MTMR9: variants seen among roughly 807,000 people sequenced by gnomAD.
MTMR9 encodes the protein myotubularin-related protein 9.
In MTMR9, 39 loss-of-function variants were observed where a neutral mutation model predicts 69.5. The observed-to-expected ratio is 0.56, with a 90% CI of 0.43 to 0.73. The LOEUF is 0.73. Ranked by LOEUF, MTMR9 falls within the 30% of genes least tolerant of loss-of-function variation. The pLI is 0.00. For missense variants in MTMR9, 900 were observed against 671.2 expected (o/e 1.34, Z -3.77); for synonymous variants, 354 against 240.8 (o/e 1.47, Z -4.35).
intron 7 of MTMR9, among the ~76,000 whole-genome samples, chr8:11,315,382 G>C (rs186733480): frequency 1.3e-5 from 2 of 152,240 alleles, no homozygotes; most frequent in East Asian, 3.9e-4. Context: ...ATAAGCAGTC[G>C]GGGAAGGGGG....
chr8:11,297,073 A>G (rs1013270151), intron 2 of MTMR9, among the ~76,000 whole-genome samples: 2 of 152,184 alleles, frequency 1.3e-5, no homozygotes, highest in African/African-American at 4.8e-5. Context: ...TCTTAGGTTT[A>G]TAGTACTTTC....
intron 1 of MTMR9, among the ~76,000 whole-genome samples, chr8:11,286,909 C>G (rs1585102936): frequency 6.6e-6 from 1 of 152,134 alleles, no homozygotes; most frequent in East Asian, 1.9e-4. Flanking sequence ...TTATTGACTT[C>G]TTCCTTCTGC....
At chr8:11,304,615 C>G (rs1298670218) in intron 3 of MTMR9, among the ~76,000 whole-genome samples, 1 of 152,212 alleles carries the variant, frequency 6.6e-6, no homozygotes, top group Non-Finnish European at 1.5e-5. Context: ...TGAGAAAGCA[C>G]TTTCTGGGAA....
chr8:11,304,857 T>C lies in MTMR9; in HGVS notation c.434T>C (p.Leu145Pro), dbSNP rs1413430341. 4 of 1,613,968 alleles carry C rather than the reference T, an allele frequency of 2.5e-6. No individual in the cohort carries two copies. The highest frequency in any genetic ancestry group is 2.7e-5 in the African/African-American group (2 of 74,932). The change falls in exon 4 of 10, where the codon CTA becomes CCA. Residue 145 changes from leucine to proline, a missense_variant. Leu to Pro is a moderately conservative substitution (Grantham distance 98). Coordinates refer to ENST00000221086, the MANE Select transcript of MTMR9 (RefSeq NM_015458.4). ...LYSSATSEWR[L>P]SYVNKEFAVC... Reference sequence around the variant, plus strand: ...GTTTTTCAGACCAGTGAATGGAGGCTAAGCTATGTCAATAAGGAATTTGCT... The same window carrying C: ...GTTTTTCAGACCAGTGAATGGAGGCCAAGCTATGTCAATAAGGAATTTGCT...
At chr8:11,297,458 C>G (rs1234331652) in intron 2 of MTMR9, among the ~76,000 whole-genome samples, 1 of 151,530 alleles carries the variant, frequency 6.6e-6, no homozygotes, top group Non-Finnish European at 1.5e-5. Context: ...AAATAATGTC[C>G]CACTATTTGG....
At chr8:11,294,500 C>CTTTTTTTTTTTTTTTTTTT (rs61227530) in intron 1 of MTMR9, among the ~76,000 whole-genome samples, 7 of 105,810 alleles carry the variant, frequency 6.6e-5, no homozygotes, top group African/African-American at 1.8e-4. Flanking sequence ...AATACTTTCA[C>CTTTTTTTTTTTTTTTTTTT]TTTTTTTTTT....
At chr8:11,329,284 C>A (rs1438527061), downstream of MTMR9, among the ~76,000 whole-genome samples, 3 of 152,200 alleles carry the variant, frequency 2.0e-5, no homozygotes, top group Admixed American at 6.5e-5. Flanking sequence ...GTCCTTGCTA[C>A]TCAGAAGCTG....
At chr8:11,331,154 A>G (rs768021703), downstream of MTMR9, 2 of 1,611,636 alleles carry the variant, frequency 1.2e-6, no homozygotes, top group East Asian at 2.2e-5. Context: ...CCACACACCC[A>G]TCGCCGCCCT....
intron 6 of MTMR9, among the ~76,000 whole-genome samples, chr8:11,310,095 TAC>T (rs1286605556): frequency 6.6e-6 from 1 of 152,254 alleles, no homozygotes; most frequent in Non-Finnish European, 1.5e-5. Flanking sequence ...GTAATTTTGT[TAC>T]ACAGTAAAAT....
the MTMR9 span, among the ~76,000 whole-genome samples, chr8:11,337,758 C>G: frequency 6.6e-6 from 1 of 152,208 alleles, no homozygotes; most frequent in Admixed American, 6.5e-5. Context: ...TCATTGCATT[C>G]TAGGTACCAG....
intron 9 of MTMR9, 123 bp from the exon 10 acceptor site, chr8:11,322,502 T>G: frequency 2.7e-6 from 2 of 727,480 alleles, no homozygotes; most frequent in Non-Finnish European, 4.5e-6. Context: ...AATACAGATG[T>G]GAGTTGTGGC....
At chr8:11,291,883 C>G (rs1799389853) in intron 1 of MTMR9, among the ~76,000 whole-genome samples, 1 of 150,454 alleles carries the variant, frequency 6.6e-6, no homozygotes. Context: ...ATTTTTAAAA[C>G]AGTTTTATTG....
intron 6 of MTMR9, among the ~76,000 whole-genome samples, chr8:11,312,294 C>G (rs1800234616): frequency 6.6e-6 from 1 of 152,056 alleles, no homozygotes; most frequent in Non-Finnish European, 1.5e-5. Flanking sequence ...AAACAATCCT[C>G]CTGCCTCAGC....
At chr8:11,301,306 A>C (rs1173512251) in intron 3 of MTMR9, among the ~76,000 whole-genome samples, 3 of 152,256 alleles carry the variant, frequency 2.0e-5, no homozygotes, top group Non-Finnish European at 2.9e-5. Flanking sequence ...AAGCGAAGAC[A>C]TACAGACCAA....
In MTMR9 at chr8:11,287,927, T is replaced by C. The variant is rs866461093; in HGVS notation, c.182+2857T>C. 1.0e-3 allele frequency among the ~76,000 whole-genome samples: 131 copies of C among 128,700 alleles called. 1 individual carries two copies. The highest frequency in any genetic ancestry group is 4.0e-3 in the South Asian group (18 of 4,506). 84.4% of individuals were successfully genotyped at this position (128,700 alleles called of 152,430 possible). A position where few individuals can be genotyped will look rare whatever the true frequency, so the allele number is the denominator to read the frequency against. ...ATAACATAATATGTATTATATATTATATAATATGTGTTATATATCATACGT... is the reference window on the plus strand; with the variant it reads ...ATAACATAATATGTATTATATATTACATAATATGTGTTATATATCATACGT... On this transcript the variant is annotated intron_variant, in intron 1 of 9. Coordinates refer to ENST00000221086, the MANE Select transcript of MTMR9 (RefSeq NM_015458.4).
Position 11,322,632 on chromosome 8 carries a change from C to A in MTMR9, c.1494C>A (p.Phe498Leu). 1 of 1,612,940 alleles carries A rather than the reference C, an allele frequency of 6.2e-7. No individual in the cohort carries two copies. Among genetic ancestry groups the A allele is most frequent in the Non-Finnish European group, 8.5e-7 (1 of 1,179,480 alleles). The change falls in exon 10 of 10, where the codon TTC becomes TTA. Residue 498 changes from phenylalanine to leucine, a missense_variant. Coordinates refer to ENST00000221086, the MANE Select transcript of MTMR9 (RefSeq NM_015458.4). ...PQSLPLWEGI[F>L]LRWNRSSKYL... ...CATTCCTGGATTCAATAGGTATTTT[C>A]CTACGTTGGAATAGATCCTCTAAGT...
At chr8:11,293,995 T>C (rs1799460729) in intron 1 of MTMR9, among the ~76,000 whole-genome samples, 1 of 152,228 alleles carries the variant, frequency 6.6e-6, no homozygotes, top group African/African-American at 2.4e-5. Flanking sequence ...ACTTTGTTCT[T>C]ATTCAAAGTT....
the MTMR9 span, among the ~76,000 whole-genome samples, chr8:11,335,466 C>T: frequency 9.2e-5 from 14 of 152,230 alleles, no homozygotes; most frequent in African/African-American, 3.1e-4. Flanking sequence ...TGGGAAGAAT[C>T]AATATTGTCA....
In MTMR9 at chr8:11,295,240, C is replaced by A. The variant is rs771466548; in HGVS notation, c.229C>A (p.Arg77=). 2.5e-6 allele frequency: 4 copies of A among 1,611,208 alleles called. No individual in the cohort carries two copies. Among genetic ancestry groups the A allele is most frequent in the East Asian group, 4.5e-5 (2 of 44,692 alleles). ...CATCATCATAAAATGTAAAGATTTT[C>A]GAATTATTCAGTTGGATATTCCTGG... The part of the protein sequence containing the change: ...GTIIIKCKDF[R]IIQLDIPGME... Residue 77 remains arginine (R), a synonymous_variant, in exon 2 of 10, where the codon CGA becomes AGA. Transcript: ENST00000221086.
Sources: allele counts gnomAD v4.1 joint callset (sites outside exome capture counted in the v4.1 genomes callset), GRCh38; gene constraint gnomAD v4.1.1; transcripts MANE v1.5; gene names NCBI Gene and HGNC (gene_info 2026-07-23, HGNC 2026-07-21).